Variants in GID8 observed in about 807,000 individuals in gnomAD.
GID8 encodes GID complex subunit 8 homolog, also known as glucose-induced degradation protein 8 homolog.
Under a neutral mutation model 27.4 loss-of-function variants are expected in GID8, and 6 were observed. The observed-to-expected ratio is 0.22, with a 90% CI of 0.12 to 0.43. The LOEUF is 0.43. GID8 is among the 20% of genes least tolerant of loss of function. The pLI is 1.00. For missense variants in GID8, 173 were observed against 287.6 expected (o/e 0.60, Z 2.88); for synonymous variants, 112 against 109.0 (o/e 1.03, Z -0.17).
chr20:62,940,934 A>C (rs1392043291), intron 1 of GID8, among the ~76,000 whole-genome samples: 3 of 152,244 alleles, frequency 2.0e-5, no homozygotes, highest in African/African-American at 7.2e-5. Context: ...GATGATGGGG[A>C]GTGCCCCCAA....
chr20:62,941,512 G>A lies in GID8; in HGVS notation c.10G>A (p.Ala4Thr), dbSNP rs979386067. The A allele has an allele frequency of 1.9e-6, 3 of 1,601,910 alleles. No individual in the cohort carries two copies. The African/African-American group carries it at 4.0e-5, about 21-fold the overall frequency. ...GTAGAAATAAATCAGAATGAGTTAT[G>A]CAGAAAAACCCGATGAAATCACGAA... MSYAEKPDEITKDE... is the reference protein window; with the variant it reads MSYTEKPDEITKDE... The change falls in exon 2 of 5, where the codon GCA becomes ACA. Residue 4 changes from alanine (A) to threonine (T), a missense_variant. Ala to Thr is a moderately conservative substitution (Grantham distance 58). Coordinates refer to ENST00000266069, the MANE Select transcript of GID8 (RefSeq NM_017896.3).
rs139679098 is a variant in GID8, at chr20:62,943,874, C to T, written c.513+182C>T. Among the ~76,000 whole-genome samples, 4 of 139,786 alleles carry T rather than the reference C, an allele frequency of 2.9e-5. No individual in the cohort carries two copies. Among genetic ancestry groups the T allele is most frequent in the South Asian group, 2.2e-4 (1 of 4,454 alleles). 91.7% of individuals were successfully genotyped at this position (139,786 alleles called of 152,430 possible). ...TTTTGGAGGTGAAGTCTTGTTCTGT[C>T]GCCCAGGCTGGAGTGCAGTGACGAG... On this transcript the variant is annotated intron_variant, in intron 4 of 4. Transcript: ENST00000266069. The surrounding 1 kb of genome is among the most constrained non-coding windows in gnomAD (Gnocchi z 4.7).
At position 62,945,345 on chromosome 20, in the gene GID8, G is replaced by A. The variant is rs2147634238; in HGVS notation, c.*433G>A. 1 of 985,688 alleles carries A rather than the reference G, an allele frequency of 1.0e-6. No homozygotes were observed. The highest frequency in any genetic ancestry group is 1.2e-6 in the Non-Finnish European group (1 of 831,508). The allele number at this position is 985,688 out of a possible 1,614,324, so 61.1% of individuals were successfully genotyped here. On this transcript the variant is annotated 3_prime_UTR_variant, in exon 5 of 5. Coordinates refer to ENST00000266069, the MANE Select transcript of GID8 (RefSeq NM_017896.3). ...CACCTACAAGTTTTTCCTTACCCCT[G>A]TGGTTTTTGTGTTTTTTTTTTTTTC...
rs1021253614 is a variant in GID8, at chr20:62,946,360, C to T, written c.*1448C>T. The stretch of plus-strand genomic sequence containing the variant: ...TCTGCCTCTGAGGGACCGTCCTCAC[C>T]GAGCTCCTGCATCCCTTGAGTGTTG... On this transcript the variant is annotated 3_prime_UTR_variant, in exon 5 of 5. Transcript: ENST00000266069. The T allele has an allele frequency of 2.6e-5, 6 of 231,206 alleles. No individual in the cohort carries two copies. Among genetic ancestry groups the T allele is most frequent in the East Asian group, 1.3e-4 (1 of 7,426 alleles). 14.3% of individuals were successfully genotyped at this position (231,206 alleles called of 1,614,324 possible). A position where few individuals can be genotyped will look rare whatever the true frequency, so the allele number is the denominator to read the frequency against.
chr20:62,939,487 C>T (rs189436230), intron 1 of GID8, among the ~76,000 whole-genome samples: 15 of 147,028 alleles, frequency 1.0e-4, no homozygotes, highest in African/African-American at 2.7e-4. Flanking sequence ...GTAATTCAGA[C>T]ACCTGCTTGA....
rs2065452269 is a variant in GID8, at chr20:62,943,420, T to C, written c.316-75T>C. The C allele has an allele frequency of 7.5e-7, 1 of 1,341,096 alleles. No homozygotes were observed. Among genetic ancestry groups the C allele is most frequent in the South Asian group, 1.2e-5 (1 of 83,548 alleles). The allele number at this position is 1,341,096 out of a possible 1,614,324, so 83.1% of individuals were successfully genotyped here. Reference sequence around the variant, plus strand: ...CTTCCCTCTGTGATGTACTTTTGATTGGGACCTGGTACCACCTGCCCTAAG... The same window carrying C: ...CTTCCCTCTGTGATGTACTTTTGATCGGGACCTGGTACCACCTGCCCTAAG... On this transcript the variant is annotated intron_variant, in intron 3 of 4. Coordinates refer to ENST00000266069, the MANE Select transcript of GID8 (RefSeq NM_017896.3). This position sits in a 1 kb window ranked among gnomAD's most constrained non-coding sequence, Gnocchi z 4.7.
In GID8 at chr20:62,946,807, G is replaced by T. The variant is rs2065468449; in HGVS notation, c.*1895G>T. On this transcript the variant is annotated 3_prime_UTR_variant, in exon 5 of 5. Transcript: ENST00000266069. ...GAAATATAGCAGAAGCTAGAAGAAA[G>T]CGGTGAGGTGAGAGAGATGCATCTG... The T allele has an allele frequency of 6.6e-6, 1 of 152,192 alleles. No homozygotes were observed. The highest frequency in any genetic ancestry group is 6.5e-5 in the Admixed American group (1 of 15,282). The allele number at this position is 152,192 out of a possible 1,614,324, so 9.4% of individuals were successfully genotyped here. A position where few individuals can be genotyped will look rare whatever the true frequency, so the allele number is the denominator to read the frequency against.
chr20:62,938,190 C>G lies in GID8; in HGVS notation c.-76C>G, dbSNP rs949391981. The G allele has an allele frequency of 1.5e-5, 3 of 204,140 alleles. No individual in the cohort carries two copies. Among genetic ancestry groups the G allele is most frequent in the South Asian group, 3.7e-4 (2 of 5,422 alleles). The allele number at this position is 204,140 out of a possible 1,614,324, so 12.6% of individuals were successfully genotyped here. ...CCCGGCGGCCGCCACCTCTCCCCAG[C>G]CCAGGAGAGGCTGCGGAGCCGCAGC... On this transcript the variant is annotated 5_prime_UTR_variant, in exon 1 of 5. Coordinates refer to ENST00000266069, the MANE Select transcript of GID8 (RefSeq NM_017896.3).
rs1229315181 is a variant in GID8, at chr20:62,946,058, C to G, written c.*1146C>G. Reference sequence around the variant, plus strand: ...TTGATGGGCACATGGCCTTGTAGCTCTGGGCACAGATGTGTTTGGATTCAT... The same window carrying G: ...TTGATGGGCACATGGCCTTGTAGCTGTGGGCACAGATGTGTTTGGATTCAT... On this transcript the variant is annotated 3_prime_UTR_variant, in exon 5 of 5. Coordinates refer to ENST00000266069, the MANE Select transcript of GID8 (RefSeq NM_017896.3). The G allele has an allele frequency of 2.4e-6, 3 of 1,276,492 alleles. No individual in the cohort carries two copies. The highest frequency in any genetic ancestry group is 5.6e-5 in the East Asian group (1 of 17,914). The allele number at this position is 1,276,492 out of a possible 1,614,324, so 79.1% of individuals were successfully genotyped here. A position where few individuals can be genotyped will look rare whatever the true frequency, so the allele number is the denominator to read the frequency against.
In GID8 at chr20:62,941,508, T is replaced by C; in HGVS notation, c.6T>C (p.Ser2=). The C allele has an allele frequency of 6.3e-7, 1 of 1,594,728 alleles. No homozygotes were observed. The highest frequency in any genetic ancestry group is 8.6e-7 in the Non-Finnish European group (1 of 1,162,458). Residue 2 remains serine, a synonymous_variant, in exon 2 of 5, where the codon AGT becomes AGC. Transcript: ENST00000266069. ...TCCTGTAGAAATAAATCAGAATGAG[T>C]TATGCAGAAAAACCCGATGAAATCA... M[S]YAEKPDEITK... is the part of the protein sequence containing the mutation.
chr20:62,944,912 G>C lies in GID8; in HGVS notation c.687G>C (p.Ter229TyrextTer54). 6.2e-7 allele frequency: 1 copy of C among 1,610,144 alleles called. No individual in the cohort carries two copies. The highest frequency in any genetic ancestry group is 8.5e-7 in the Non-Finnish European group (1 of 1,177,894). The change falls in exon 5 of 5, where the codon TAG becomes TAC. Residue 229 changes from the stop codon to tyrosine, a stop_lost. Coordinates refer to ENST00000266069, the MANE Select transcript of GID8 (RefSeq NM_017896.3). ...LSKGVIEEPK[*>Y] ...AGGGTGTGATTGAGGAGCCCAAGTA[G>C]CGCCTGCGCTTGCGTGGTGGATCCA...
At chr20:62,941,110 C>T (rs1300197668) in intron 1 of GID8, among the ~76,000 whole-genome samples, 1 of 152,246 alleles carries the variant, frequency 6.6e-6, no homozygotes, top group East Asian at 1.9e-4. Context: ...TGGGTGGCTT[C>T]CACATTCCTG....
At position 62,946,738 on chromosome 20, in the gene GID8, G is replaced by A. The variant is rs1401941020; in HGVS notation, c.*1826G>A. Reference sequence around the variant, plus strand: ...TGCGATTATTTCCTCTGAGGTTTGAGGATGAAGATAAGTTGGAGGGAAAGA... The same window carrying A: ...TGCGATTATTTCCTCTGAGGTTTGAAGATGAAGATAAGTTGGAGGGAAAGA... On this transcript the variant is annotated 3_prime_UTR_variant, in exon 5 of 5. Coordinates refer to ENST00000266069, the MANE Select transcript of GID8 (RefSeq NM_017896.3). 1 of 152,178 alleles carries A rather than the reference G, an allele frequency of 6.6e-6. No homozygotes were observed. The highest frequency in any genetic ancestry group is 1.5e-5 in the Non-Finnish European group (1 of 68,060). The allele number at this position is 152,178 out of a possible 1,614,324, so 9.4% of individuals were successfully genotyped here.
chr20:62,945,722 G>C lies in GID8; in HGVS notation c.*810G>C. 2 of 1,205,250 alleles carry C rather than the reference G, an allele frequency of 1.7e-6. No homozygotes were observed. The highest frequency in any genetic ancestry group is 2.1e-6 in the Non-Finnish European group (2 of 944,558). 74.7% of individuals were successfully genotyped at this position (1,205,250 alleles called of 1,614,324 possible). A position where few individuals can be genotyped will look rare whatever the true frequency, so the allele number is the denominator to read the frequency against. On this transcript the variant is annotated 3_prime_UTR_variant, in exon 5 of 5. Coordinates refer to ENST00000266069, the MANE Select transcript of GID8 (RefSeq NM_017896.3). ...TCTTCCCCCTGTGATAGCGGCAGTG[G>C]CTTTTTCTGGTACCTGCAGCTGGAA...
chr20:62,944,530 G>T lies in GID8; in HGVS notation c.514-209G>T, dbSNP rs79395825. ...CAGTCCCCTCAGCACTTTGTTCAAG[G>T]CTTGCTCATGGCACTTAACTGCCAT... is the stretch of plus-strand genomic sequence containing the variant. On this transcript the variant is annotated intron_variant, in intron 4 of 4. Transcript: ENST00000266069. Among the ~76,000 whole-genome samples the T allele has an allele frequency of 4.0e-3, 605 of 152,290 alleles. 6 individuals are homozygous for T. Among genetic ancestry groups the T allele is most frequent in the African/African-American group, 0.014 (594 of 41,560 alleles).
At chr20:62,940,639 G>A (rs1240460306) in intron 1 of GID8, among the ~76,000 whole-genome samples, 1 of 152,158 alleles carries the variant, frequency 6.6e-6, no homozygotes, top group Non-Finnish European at 1.5e-5. Flanking sequence ...GTGAGCCACC[G>A]CGCCCGGCCG....
chr20:62,944,496 C>A (rs1236036474), intron 4 of GID8, among the ~76,000 whole-genome samples: 1 of 152,116 alleles, frequency 6.6e-6, no homozygotes, highest in Admixed American at 6.5e-5. Flanking sequence ...GCTGGTCTTA[C>A]CTCTCTCCCA....
chr20:62,938,992 C>T (rs1467553426), intron 1 of GID8, among the ~76,000 whole-genome samples: 2 of 152,082 alleles, frequency 1.3e-5, no homozygotes, highest in Non-Finnish European at 1.5e-5. Flanking sequence ...GTGGTGCGCT[C>T]CTGTTGTCCC....
At position 62,945,167 on chromosome 20, in the gene GID8, C is replaced by T. The variant is rs2065460740; in HGVS notation, c.*255C>T. 4.8e-6 allele frequency: 6 copies of T among 1,260,804 alleles called. No homozygotes were observed. Among genetic ancestry groups the T allele is most frequent in the Non-Finnish European group, 6.0e-6 (6 of 997,408 alleles). The allele number at this position is 1,260,804 out of a possible 1,614,324, so 78.1% of individuals were successfully genotyped here. On this transcript the variant is annotated 3_prime_UTR_variant, in exon 5 of 5. Coordinates refer to ENST00000266069, the MANE Select transcript of GID8 (RefSeq NM_017896.3). ...ACTCGCTGAAGAATCTGGAAGGTTG[C>T]GGTTTGCTCTTCCAGTGTTCGGGGG...
Sources: gnomAD v4.1 joint callset for allele counts (sites outside exome capture counted in the v4.1 genomes callset) on GRCh38, gnomAD v4.1.1 for gene constraint, Gnocchi (gnomAD v3.1) non-coding constraint, MANE v1.5 for transcripts, NCBI Gene and HGNC (gene_info 2026-07-23, HGNC 2026-07-21) for gene names.